Variants in DPP6 observed in about 807,000 individuals in gnomAD.
DPP6 encodes dipeptidyl peptidase like 6, also known as A-type potassium channel modulatory protein DPP6.
A neutral mutation model predicts 122.6 loss-of-function variants in DPP6; 69 were observed. That is an observed-to-expected ratio of 0.56 (90% confidence interval 0.46 to 0.69). DPP6 has a LOEUF of 0.69. Ranked by LOEUF, DPP6 falls within the 30% of genes least tolerant of loss-of-function variation. The pLI is 0.00. For synonymous variants in DPP6, 418 were observed against 433.1 expected, an observed-to-expected ratio of 0.97 and a Z score of 0.43; for missense variants, 928 against 1,116.9, an observed-to-expected ratio of 0.83 and a Z score of 2.41.
chr7:154,093,186 C>T (rs1804997693), intron 1 of DPP6, among the ~76,000 whole-genome samples: 1 of 150,314 alleles, frequency 6.7e-6, no homozygotes, highest in African/African-American at 2.5e-5. Context: ...AAATACACCA[C>T]ATGCCACACA....
At chr7:154,717,959 T>C (rs1260181414) in intron 7 of DPP6, among the ~76,000 whole-genome samples, 2 of 152,186 alleles carry the variant, frequency 1.3e-5, no homozygotes, top group Non-Finnish European at 2.9e-5. Context: ...GGGGGTGAGA[T>C]GGTATGTCAT....
At chr7:154,367,325 C>T (rs759763913) in intron 1 of DPP6, among the ~76,000 whole-genome samples, 1 of 152,202 alleles carries the variant, frequency 6.6e-6, no homozygotes, top group African/African-American at 2.4e-5. Context: ...TGGCAACAGG[C>T]GCTAGGCCAT....
intron 7 of DPP6, among the ~76,000 whole-genome samples, chr7:154,713,775 T>C (rs1186126139): frequency 6.6e-6 from 1 of 152,200 alleles, no homozygotes; most frequent in Admixed American, 6.5e-5. Context: ...TGAAGGTCTC[T>C]GACATGCCCT....
intron 1 of DPP6, among the ~76,000 whole-genome samples, chr7:154,214,378 G>T (rs1384611473): frequency 2.6e-5 from 4 of 152,214 alleles, no homozygotes; most frequent in Non-Finnish European, 5.9e-5. Flanking sequence ...GACCTCTGAG[G>T]TCTTTGCTGC....
chr7:153,922,682 AAC>A (rs1204545918), intron 1 of DPP6, among the ~76,000 whole-genome samples: 2 of 152,208 alleles, frequency 1.3e-5, no homozygotes, highest in Non-Finnish European at 1.5e-5. Flanking sequence ...TGGTCCATAA[AAC>A]AGTGTTACAT....
intron 1 of DPP6, among the ~76,000 whole-genome samples, chr7:154,026,008 A>T (rs545884397): frequency 6.9e-6 from 1 of 144,650 alleles, no homozygotes; most frequent in African/African-American, 2.6e-5. Context: ...CCCAATAAGA[A>T]TTTTTTTGGA....
chr7:154,221,824 C>T (rs929674654), intron 1 of DPP6, among the ~76,000 whole-genome samples: 2 of 151,958 alleles, frequency 1.3e-5, no homozygotes, highest in Non-Finnish European at 1.5e-5. Context: ...GGAAGTGGGC[C>T]GAGGGCTTTT....
intron 1 of DPP6, among the ~76,000 whole-genome samples, chr7:154,162,445 C>T (rs1051029296): frequency 2.9e-4 from 44 of 152,214 alleles, no homozygotes; most frequent in African/African-American, 8.9e-4. Context: ...ATGTGAATAA[C>T]GTCTTGAATA....
intron 10 of DPP6, among the ~76,000 whole-genome samples, chr7:154,775,056 T>C (rs149735306): frequency 9.1e-4 from 139 of 152,200 alleles, no homozygotes; most frequent in Non-Finnish European, 1.8e-3. Flanking sequence ...ACACATTAGA[T>C]GCTGTCATAT....
the DPP6 span, among the ~76,000 whole-genome samples, chr7:153,865,806 C>A: frequency 8.4e-6 from 1 of 118,878 alleles, no homozygotes; most frequent in East Asian, 3.1e-4. Flanking sequence ...TCCCCCCTCC[C>A]CCCACCCCAC....
At chr7:154,617,053 T>C (rs527551504) in intron 5 of DPP6, among the ~76,000 whole-genome samples, 35 of 152,334 alleles carry the variant, frequency 2.3e-4, no homozygotes, top group Admixed American at 1.1e-3. Flanking sequence ...TTCTGCTCCA[T>C]ATGAATGCAT....
intron 1 of DPP6, among the ~76,000 whole-genome samples, chr7:154,140,793 G>A (rs192606261): frequency 2.3e-4 from 35 of 152,246 alleles, no homozygotes; most frequent in African/African-American, 4.3e-4. Context: ...AATGCTTGGC[G>A]AATTGCCTCA....
At chr7:154,542,748 T>A (rs1828833023) in intron 4 of DPP6, among the ~76,000 whole-genome samples, 1 of 152,184 alleles carries the variant, frequency 6.6e-6, no homozygotes, top group Admixed American at 6.5e-5. Context: ...TATTCCTTTC[T>A]CAAAGCTACA....
In DPP6 at chr7:154,425,445, A is replaced by G. The variant is rs961564250; in HGVS notation, c.244-20769A>G. Among the ~76,000 whole-genome samples the G allele has an allele frequency of 2.5e-4, 38 of 152,292 alleles. 1 individual carries two copies. Among genetic ancestry groups the G allele is most frequent in the African/African-American group, 9.1e-4 (38 of 41,566 alleles). On this transcript the variant is annotated intron_variant, in intron 1 of 25. Transcript: ENST00000377770. ...GGAGCTTAGCTGTACAATTCTAATC[A>G]CTACTGTGGTCTCTGCTCAGTGGGC...
the DPP6 span, among the ~76,000 whole-genome samples, chr7:153,867,910 A>C: frequency 2.0e-5 from 3 of 152,262 alleles, no homozygotes; most frequent in African/African-American, 7.2e-5. Context: ...TGAGATAATC[A>C]TGTGGTTTTT....
intron 15 of DPP6, 91 bp downstream of exon 15, chr7:154,805,055 G>T: frequency 6.7e-7 from 1 of 1,503,508 alleles, no homozygotes; most frequent in South Asian, 1.3e-5. Context: ...GTTCGGAAAG[G>T]GCGGCAGCAA....
the DPP6 span, among the ~76,000 whole-genome samples, chr7:153,792,960 A>G: frequency 6.6e-6 from 1 of 152,162 alleles, no homozygotes; most frequent in African/African-American, 2.4e-5. Context: ...GTAAGAAGTG[A>G]CTTTCACCTC....
At chr7:154,382,323 C>A (rs962019450) in intron 1 of DPP6, among the ~76,000 whole-genome samples, 3 of 151,876 alleles carry the variant, frequency 2.0e-5, no homozygotes, top group Admixed American at 2.0e-4. Flanking sequence ...TAGCTGGGAC[C>A]ACAAGCTTGC....
chr7:154,016,550 C>T, intron 1 of DPP6, among the ~76,000 whole-genome samples: 1 of 151,834 alleles, frequency 6.6e-6, no homozygotes, highest in East Asian at 1.9e-4. Flanking sequence ...ATTGCTTGAG[C>T]CCAGGAATTC....
Sources: gnomAD v4.1 joint callset for allele counts (sites outside exome capture counted in the v4.1 genomes callset) on GRCh38, gnomAD v4.1.1 for gene constraint, MANE v1.5 for transcripts, NCBI Gene and HGNC (gene_info 2026-07-23, HGNC 2026-07-21) for gene names.